The following POU6F2 variants were observed in gnomAD, a reference collection of about 807,000 sequenced individuals.
POU6F2 encodes the protein POU domain, class 6, transcription factor 2.
A neutral mutation model predicts 71.3 loss-of-function variants in POU6F2; 31 were observed. The ratio of observed to expected loss-of-function variants is 0.43; its 90% confidence interval spans 0.33 to 0.59. POU6F2 has a LOEUF of 0.59. Among genes scored for constraint, POU6F2 ranks in the 20% least tolerant of loss-of-function variants. The pLI is 0.04. For missense variants in POU6F2, 783 were observed against 856.8 expected (o/e 0.91, Z 1.07); for synonymous variants, 347 against 355.7 (o/e 0.98, Z 0.27).
chr7:39,160,928 A>T (rs548862001), intron 2 of POU6F2, among the ~76,000 whole-genome samples: 1 of 152,242 alleles, frequency 6.6e-6, no homozygotes, highest in South Asian at 2.1e-4. Flanking sequence ...TGCACATAAT[A>T]GTTACCTGTT....
At chr7:39,089,125 G>A (rs1791313728) in intron 2 of POU6F2, among the ~76,000 whole-genome samples, 1 of 152,158 alleles carries the variant, frequency 6.6e-6, no homozygotes. Flanking sequence ...GTTTTATAAA[G>A]TAATTACATC....
chr7:39,008,966 A>G (rs901713107), intron 1 of POU6F2, among the ~76,000 whole-genome samples: 6 of 151,566 alleles, frequency 4.0e-5, no homozygotes, highest in African/African-American at 1.5e-4. Context: ...TGATGCCTCC[A>G]GCTTTGTTCT....
intron 2 of POU6F2, among the ~76,000 whole-genome samples, chr7:39,179,847 A>G (rs1793404475): frequency 6.6e-6 from 1 of 152,190 alleles, no homozygotes; most frequent in African/African-American, 2.4e-5. Context: ...ACGTTATATC[A>G]CTTAAGGCCC....
At chr7:39,412,096 G>A (rs1787561759) in intron 6 of POU6F2, among the ~76,000 whole-genome samples, 3 of 152,238 alleles carry the variant, frequency 2.0e-5, no homozygotes, top group African/African-American at 7.2e-5. Flanking sequence ...TCTTAGTTGT[G>A]TGGACCTTGG....
chr7:39,347,145 A>G lies in POU6F2; in HGVS notation c.972+7130A>G, dbSNP rs2237412. On this transcript the variant is annotated intron_variant, in intron 5 of 9. Transcript: ENST00000518318. The stretch of plus-strand genomic sequence containing the variant: ...GCAATGGCTTATGTGAGGGTATCTA[A>G]TTTGGTTCCTGATAGATATCTGGCA... 3.0e-3 allele frequency among the ~76,000 whole-genome samples: 453 copies of G among 152,270 alleles called. 7 individuals are homozygous for G. In the East Asian group the frequency reaches 0.044, roughly 15 times the overall value.
rs1789119018 is a variant in POU6F2 at position 39,468,221 on chromosome 7, T to C, written c.*3535T>C. 6.6e-6 allele frequency: 1 copy of C among 151,540 alleles called. No individual in the cohort carries two copies. The highest frequency in any genetic ancestry group is 6.6e-5 in the Admixed American group (1 of 15,186). 9.4% of individuals were successfully genotyped at this position (151,540 alleles called of 1,614,324 possible). A position where few individuals can be genotyped will look rare whatever the true frequency, so the allele number is the denominator to read the frequency against. ...TTTTTTTTTTTTGTCCTATGTGCTGTGATCTAGACTGGTCACCGGGGTCAC... is the reference window on the plus strand; with the variant it reads ...TTTTTTTTTTTTGTCCTATGTGCTGCGATCTAGACTGGTCACCGGGGTCAC... On this transcript the variant is annotated 3_prime_UTR_variant, in exon 10 of 10. Coordinates refer to ENST00000518318, the MANE Select transcript of POU6F2 (RefSeq NM_001370959.1).
At position 39,419,144 on chromosome 7, in the gene POU6F2, C is replaced by T. The variant is rs907468996; in HGVS notation, c.1113+12404C>T. Among the ~76,000 whole-genome samples the T allele has an allele frequency of 8.8e-3, 1,190 of 134,686 alleles. 10 individuals carry two copies. The highest frequency in any genetic ancestry group is 0.03 in the Middle Eastern group (7 of 234). The allele number at this position is 134,686 out of a possible 152,430, so 88.4% of individuals were successfully genotyped here. Reference sequence around the variant, plus strand: ...ATGTGTATATATACACATATATATACGTATATATGTGTATATATACACATA... The same window carrying T: ...ATGTGTATATATACACATATATATATGTATATATGTGTATATATACACATA... On this transcript the variant is annotated intron_variant, in intron 6 of 9. Coordinates refer to ENST00000518318, the MANE Select transcript of POU6F2 (RefSeq NM_001370959.1).
chr7:39,243,842 T>C (rs1388044843), intron 4 of POU6F2, among the ~76,000 whole-genome samples: 1 of 152,124 alleles, frequency 6.6e-6, no homozygotes, highest in Non-Finnish European at 1.5e-5. Context: ...AATTTGCCCA[T>C]TTTTTAAAAC....
chr7:39,015,522 A>G (rs1214597130), intron 1 of POU6F2, among the ~76,000 whole-genome samples: 1 of 67,860 alleles, frequency 1.5e-5, no homozygotes, highest in African/African-American at 5.2e-5. Flanking sequence ...TATATAATAT[A>G]TCTATGTTTT....
At chr7:38,983,368 C>G (rs1175245145) in intron 1 of POU6F2, among the ~76,000 whole-genome samples, 2 of 147,700 alleles carry the variant, frequency 1.4e-5, no homozygotes, top group East Asian at 2.0e-4. Context: ...TTCTTCCTTT[C>G]TGCTTTTGTT....
chr7:39,131,938 T>G (rs1792293731), intron 2 of POU6F2, among the ~76,000 whole-genome samples: 1 of 152,168 alleles, frequency 6.6e-6, no homozygotes, highest in South Asian at 2.1e-4. Flanking sequence ...AGGCACACAA[T>G]GCGTAATAAT....
chr7:39,218,183 C>A (rs150514033), intron 4 of POU6F2, among the ~76,000 whole-genome samples: 92 of 152,154 alleles, frequency 6.0e-4, no homozygotes, highest in Non-Finnish European at 1.2e-3. Flanking sequence ...AAGATGGCTG[C>A]CACTAGACTG....
rs1314838812 is a variant in POU6F2, at chr7:39,467,498, T to C, written c.*2812T>C. 2 of 152,258 alleles carry C rather than the reference T, an allele frequency of 1.3e-5. No individual in the cohort carries two copies. The highest frequency in any genetic ancestry group is 3.8e-4 in the East Asian group (2 of 5,206). 9.4% of individuals were successfully genotyped at this position (152,258 alleles called of 1,614,324 possible). A position where few individuals can be genotyped will look rare whatever the true frequency, so the allele number is the denominator to read the frequency against. ...AAAAGCCACTTTGGGCATATGTGAT[T>C]GTATTTCAAGCTTCAGTATTTTTCT... On this transcript the variant is annotated 3_prime_UTR_variant, in exon 10 of 10. Transcript: ENST00000518318.
intron 5 of POU6F2, among the ~76,000 whole-genome samples, chr7:39,349,836 C>T (rs2115663820): frequency 6.6e-6 from 1 of 152,298 alleles, no homozygotes; most frequent in South Asian, 2.1e-4. Context: ...AGTCCTGGGG[C>T]CCTGTGAGTG....
chr7:38,995,065 A>G (rs1438538936), intron 1 of POU6F2, among the ~76,000 whole-genome samples: 2 of 152,196 alleles, frequency 1.3e-5, no homozygotes, highest in Admixed American at 6.5e-5. Flanking sequence ...TATTCATTAT[A>G]TTGACCATAG....
At chr7:39,227,726 G>C (rs1480800280) in intron 4 of POU6F2, among the ~76,000 whole-genome samples, 1 of 151,822 alleles carries the variant, frequency 6.6e-6, no homozygotes, top group Non-Finnish European at 1.5e-5. Context: ...GGCTAATTTT[G>C]TTTTGTATTT....
At chr7:39,081,141 T>C (rs1000100919) in intron 1 of POU6F2, among the ~76,000 whole-genome samples, 12 of 152,232 alleles carry the variant, frequency 7.9e-5, no homozygotes, top group African/African-American at 2.7e-4. Context: ...ATATCATATA[T>C]GCTAACTACA....
chr7:39,451,785 A>G, intron 8 of POU6F2, 84 bp downstream of exon 8: 2 of 1,421,824 alleles, frequency 1.4e-6, no homozygotes, highest in Non-Finnish European at 1.9e-6. Flanking sequence ...TCTCTCTCTC[A>G]CTCTCTCTTG....
chr7:39,044,314 C>CTTTTAAT (rs1790248780), intron 1 of POU6F2, among the ~76,000 whole-genome samples: 1 of 151,878 alleles, frequency 6.6e-6, no homozygotes, highest in Non-Finnish European at 1.5e-5. Context: ...TTTCATGATG[C>CTTTTAAT]TTTAAGACAC....
Sources: allele counts gnomAD v4.1 joint callset (sites outside exome capture counted in the v4.1 genomes callset), GRCh38; gene constraint gnomAD v4.1.1; transcripts MANE v1.5; gene names NCBI Gene and HGNC (gene_info 2026-07-23, HGNC 2026-07-21).